Variants in QTMAN observed in about 807,000 individuals in gnomAD.
QTMAN encodes the protein queuosine-tRNA mannosyltransferase, also known as tRNA-queuosine alpha-mannosyltransferase.
At chr2:144,024,899 C>T in the QTMAN span, among the ~76,000 whole-genome samples, 1 of 151,752 alleles carries the variant, frequency 6.6e-6, no homozygotes, top group Admixed American at 6.6e-5. Flanking sequence ...AAGTAATATG[C>T]CAATTAGAAA....
the QTMAN span, among the ~76,000 whole-genome samples, chr2:144,046,246 G>A: frequency 5.3e-5 from 8 of 152,330 alleles, no homozygotes; most frequent in East Asian, 5.8e-4. Flanking sequence ...AAAAGGCCAC[G>A]TTAATTTTAC....
At chr2:144,215,598 C>A in the QTMAN span, among the ~76,000 whole-genome samples, 5 of 152,098 alleles carry the variant, frequency 3.3e-5, no homozygotes, top group African/African-American at 1.2e-4. Flanking sequence ...ATTCCACTGA[C>A]AAAATATTAA....
the QTMAN span, among the ~76,000 whole-genome samples, chr2:144,328,457 G>A: frequency 2.0e-5 from 3 of 152,140 alleles, no homozygotes; most frequent in Admixed American, 6.5e-5. Flanking sequence ...CTCCTTATGA[G>A]AAAAGTGCTT....
chr2:144,114,685 T>TACGAA, the QTMAN span, among the ~76,000 whole-genome samples: 1 of 149,594 alleles, frequency 6.7e-6, no homozygotes. Flanking sequence ...GTGCCCACAC[T>TACGAA]ACAAAACAAA....
the QTMAN span, among the ~76,000 whole-genome samples, chr2:143,966,142 C>T: frequency 1.3e-5 from 2 of 152,112 alleles, no homozygotes; most frequent in Admixed American, 6.5e-5. Context: ...TGTGAATTTC[C>T]CTGTAGAGCA....
the QTMAN span, among the ~76,000 whole-genome samples, chr2:144,084,984 T>C: frequency 6.6e-6 from 1 of 151,150 alleles, no homozygotes; most frequent in African/African-American, 2.5e-5. Flanking sequence ...TCCAGGAATC[T>C]ACATTTTTAA....
At chr2:144,070,852 C>T in the QTMAN span, among the ~76,000 whole-genome samples, 4 of 152,114 alleles carry the variant, frequency 2.6e-5, no homozygotes, top group Non-Finnish European at 5.9e-5. Flanking sequence ...AACCGGGACT[C>T]CTCTGGTCCA....
the QTMAN span, among the ~76,000 whole-genome samples, chr2:144,093,460 G>A: frequency 6.6e-6 from 1 of 152,134 alleles, no homozygotes; most frequent in Admixed American, 6.5e-5. Flanking sequence ...TTCCAAAATG[G>A]GCTTCACTAC....
At chr2:144,187,216 T>G in the QTMAN span, among the ~76,000 whole-genome samples, 2 of 152,188 alleles carry the variant, frequency 1.3e-5, no homozygotes, top group African/African-American at 2.4e-5. Flanking sequence ...GAACAGAAGT[T>G]TATTTAGCTC....
chr2:144,273,176 T>C, the QTMAN span, among the ~76,000 whole-genome samples: 1 of 152,046 alleles, frequency 6.6e-6, no homozygotes, highest in Middle Eastern at 3.4e-3. Context: ...TTATAAAATA[T>C]GAATGCTGAA....
At chr2:144,087,377 A>T in the QTMAN span, among the ~76,000 whole-genome samples, 1 of 152,142 alleles carries the variant, frequency 6.6e-6, no homozygotes, top group Admixed American at 6.5e-5. Context: ...TCTATCAAAC[A>T]TTTAAGGGAT....
the QTMAN span, among the ~76,000 whole-genome samples, chr2:144,247,216 A>G: frequency 2.0e-5 from 3 of 152,232 alleles, no homozygotes; most frequent in East Asian, 5.8e-4. Flanking sequence ...TGCTGGAAGA[A>G]TGTCTTCAAG....
the QTMAN span, among the ~76,000 whole-genome samples, chr2:144,133,653 T>A: frequency 6.9e-6 from 1 of 144,432 alleles, no homozygotes; most frequent in South Asian, 2.1e-4. Flanking sequence ...AGGAAAATGG[T>A]TACAACCTAA....
chr2:143,969,785 C>T, the QTMAN span, among the ~76,000 whole-genome samples: 3 of 152,148 alleles, frequency 2.0e-5, no homozygotes, highest in Non-Finnish European at 4.4e-5. Context: ...TCCACAGCTG[C>T]AGCGGGCAAA....
chr2:144,252,389 A>C, the QTMAN span, among the ~76,000 whole-genome samples: 1,434 of 152,222 alleles, frequency 9.4e-3, 18 homozygotes, highest in Admixed American at 0.025. Flanking sequence ...TTTTAAAATA[A>C]AATAAAATAA....
the QTMAN span, among the ~76,000 whole-genome samples, chr2:143,960,869 C>T: frequency 6.6e-6 from 1 of 151,962 alleles, no homozygotes; most frequent in African/African-American, 2.4e-5. Flanking sequence ...ATTATGCTTA[C>T]GGGTTTCATA....
the QTMAN span, among the ~76,000 whole-genome samples, chr2:144,214,494 A>G: frequency 6.6e-6 from 1 of 152,224 alleles, no homozygotes; most frequent in African/African-American, 2.4e-5. Flanking sequence ...CTAACACTTG[A>G]TGGATACTGA....
the QTMAN span, among the ~76,000 whole-genome samples, chr2:144,162,349 G>C: frequency 6.6e-6 from 1 of 152,108 alleles, no homozygotes. Context: ...AGCATAACTT[G>C]GGCAAGATGC....
the QTMAN span, chr2:143,939,245 T>C: frequency 6.6e-6 from 1 of 152,364 alleles, no homozygotes; most frequent in South Asian, 2.1e-4. Context: ...CCTGTTGCCA[T>C]CGTTTTAGTC....
Sources: allele counts gnomAD v4.1 joint callset (sites outside exome capture counted in the v4.1 genomes callset), GRCh38; gene constraint gnomAD v4.1.1; transcripts MANE v1.5; gene names NCBI Gene and HGNC (gene_info 2026-07-23, HGNC 2026-07-21).